The following MFSD2A variants were observed in gnomAD, a reference collection of about 807,000 sequenced individuals.
MFSD2A encodes the protein MFSD2 lysolipid transporter A, lysophospholipid.
Under a neutral mutation model 64.7 loss-of-function variants are expected in MFSD2A, and 27 were observed. That is an observed-to-expected ratio of 0.42 (90% CI 0.31 to 0.58). The LOEUF is 0.58. MFSD2A is among the 20% of genes least tolerant of loss of function. The pLI is 0.18. For synonymous variants in MFSD2A, 258 were observed against 273.4 expected (o/e 0.94, Z 0.55); for missense variants, 474 against 679.5 (o/e 0.70, Z 3.36).
In MFSD2A at chr1:39,966,946, G is replaced by T; in HGVS notation, c.927+14G>T. The T allele has an allele frequency of 4.3e-6, 7 of 1,613,150 alleles. No individual in the cohort carries two copies. Among genetic ancestry groups the T allele is most frequent in the South Asian group, 1.1e-5 (1 of 91,056 alleles). ...TTGGCTTTCATGGTGAGTGGGTTCT[G>T]ACATGCTCAGCCTGAGAAGGAGGTG... On this transcript the variant is annotated intron_variant, in intron 8 of 13. Transcript: ENST00000372811.
chr1:39,962,521 G>A (rs565143314), intron 3 of MFSD2A, among the ~76,000 whole-genome samples: 3 of 152,316 alleles, frequency 2.0e-5, no homozygotes, highest in Admixed American at 6.5e-5. Context: ...AAATGTTTAC[G>A]AGCTTCTTCT....
chr1:39,969,213 G>A (rs1645230558), intron 13 of MFSD2A, among the ~76,000 whole-genome samples: 1 of 152,226 alleles, frequency 6.6e-6, no homozygotes, highest in Non-Finnish European at 1.5e-5. Context: ...AGGACCTCGA[G>A]TGTGGCCTGA....
chr1:39,965,946 C>A lies in MFSD2A; in HGVS notation c.646C>A (p.Leu216Ile). 6.2e-7 allele frequency: 1 copy of A among 1,614,176 alleles called. No individual in the cohort carries two copies. Among genetic ancestry groups the A allele is most frequent in the Non-Finnish European group, 8.5e-7 (1 of 1,180,046 alleles). Residue 216 changes from leucine (L) to isoleucine (I), a missense_variant, in exon 6 of 14, where the codon CTC (leucine) becomes ATC (isoleucine). By Grantham distance (5) the Leu-to-Ile change is conservative. Coordinates refer to ENST00000372811, the MANE Select transcript of MFSD2A (RefSeq NM_032793.5). This position sits in a 1 kb window ranked among gnomAD's most constrained non-coding sequence, Gnocchi z 5.5. The stretch of plus-strand genomic sequence containing the variant: ...AGCAGACACGCCTTGTTTCCAGGAC[C>A]TCAATAGCTCTACAGTAGCTTCACA... ...GQADTPCFQDLNSSTVASQSA... is the reference protein window; with the variant it reads ...GQADTPCFQDINSSTVASQSA...
At position 39,958,835 on chromosome 1, in the gene MFSD2A, A is replaced by T; in HGVS notation, c.353+10A>T. On this transcript the variant is annotated intron_variant, in intron 3 of 13. Transcript: ENST00000372811. This position sits in a 1 kb window ranked among gnomAD's most constrained non-coding sequence, Gnocchi z 4.7. ...GTCGCCTTATGCCCTGGTGAGTAGAATATGCCCCTTCGAGGTGGCACAAGG... is the reference window on the plus strand; with the variant it reads ...GTCGCCTTATGCCCTGGTGAGTAGATTATGCCCCTTCGAGGTGGCACAAGG... 1 of 1,587,014 alleles carries T rather than the reference A, an allele frequency of 6.3e-7. No homozygotes were observed. Among genetic ancestry groups the T allele is most frequent in the Non-Finnish European group, 8.6e-7 (1 of 1,165,872 alleles).
Position 39,967,729 on chromosome 1 carries a change from G to A in MFSD2A, c.1095+18G>A, listed in dbSNP as rs1289998818. On this transcript the variant is annotated intron_variant, in intron 10 of 13. Transcript: ENST00000372811. ...GGATCTCAGTGAGTGGGGTTGAAGA[G>A]CAGAGCCTGGGTTGAGTTGGGATGT... The A allele has an allele frequency of 6.2e-7, 1 of 1,613,566 alleles. No homozygotes were observed. The highest frequency in any genetic ancestry group is 8.5e-7 in the Non-Finnish European group (1 of 1,179,480).
At position 39,965,084 on chromosome 1, in the gene MFSD2A, A is replaced by G; in HGVS notation, c.354-127A>G. Reference sequence around the variant, plus strand: ...GCCCAGGATGGGTGGATTTGGCAGGAGTATGGGGAAGGAAGGAAGAGCTTA... The same window carrying G: ...GCCCAGGATGGGTGGATTTGGCAGGGGTATGGGGAAGGAAGGAAGAGCTTA... On this transcript the variant is annotated intron_variant, in intron 3 of 13. Coordinates refer to ENST00000372811, the MANE Select transcript of MFSD2A (RefSeq NM_032793.5). This position sits in a 1 kb window ranked among gnomAD's most constrained non-coding sequence, Gnocchi z 5.5. The G allele has an allele frequency of 7.6e-7, 1 of 1,319,400 alleles. No individual in the cohort carries two copies. The highest frequency in any genetic ancestry group is 1.0e-6 in the Non-Finnish European group (1 of 965,560). 81.7% of individuals were successfully genotyped at this position (1,319,400 alleles called of 1,614,324 possible). A position where few individuals can be genotyped will look rare whatever the true frequency, so the allele number is the denominator to read the frequency against.
intron 13 of MFSD2A, 58 bp from the exon 14 acceptor site, chr1:39,969,447 G>T: frequency 6.8e-7 from 1 of 1,480,562 alleles, no homozygotes; most frequent in Non-Finnish European, 9.3e-7. Context: ...AGGCAGGTGG[G>T]GCTGAGGAGG....
At chr1:39,967,982 T>A in intron 11 of MFSD2A, 66 bp downstream of exon 11, 1 of 1,005,412 alleles carries the variant, frequency 9.9e-7, no homozygotes, top group Non-Finnish European at 1.5e-6. Context: ...TGAAGCTCCT[T>A]AGGGAGAGTT....
Position 39,957,056 on chromosome 1 carries a change from T to C in MFSD2A, c.94-31T>C, listed in dbSNP as rs1206115748. On this transcript the variant is annotated intron_variant, in intron 1 of 13. Transcript: ENST00000372811. ...CCTTCTTGGATGGAGGCCAGAACCT[T>C]GGGCCTTTCATCTTTTCCTCCTCTT... The C allele has an allele frequency of 4.3e-6, 7 of 1,612,900 alleles. No individual in the cohort carries two copies. The South Asian group carries it at 4.4e-5, about 10-fold the overall frequency.
rs1220077878 is a variant in MFSD2A at position 39,960,289 on chromosome 1, G to T, written c.353+1464G>T. 2.6e-5 allele frequency among the ~76,000 whole-genome samples: 4 copies of T among 152,204 alleles called. No individual in the cohort carries two copies. Among genetic ancestry groups the T allele is most frequent in the Non-Finnish European group, 5.9e-5 (4 of 68,024 alleles). On this transcript the variant is annotated intron_variant, in intron 3 of 13. Coordinates refer to ENST00000372811, the MANE Select transcript of MFSD2A (RefSeq NM_032793.5). This position sits in a 1 kb window ranked among gnomAD's most constrained non-coding sequence, Gnocchi z 4.8. ...TCCAGGCTTAAGTGGGCGCCTTCCT[G>T]CCCCAGGGGCGCCCATACCTGGCCT...
chr1:39,969,531 C>T lies in MFSD2A; in HGVS notation c.1556C>T (p.Ser519Leu), dbSNP rs1645238537. Residue 519 changes from serine to leucine, a missense_variant, in exon 14 of 14, where the codon TCA (serine) becomes TTA (leucine). Physicochemically the swap from Ser to Leu is moderately radical, Grantham distance 145. Transcript: ENST00000372811. The part of the protein sequence containing the change: ...LRDEASSSGC[S>L]ETDSTELASI... ...GACGAGGCCAGCAGCTCTGGCTGCT[C>T]AGAAACAGACTCCACAGAGCTGGCT... 1 of 1,598,154 alleles carries T rather than the reference C, an allele frequency of 6.3e-7. No homozygotes were observed. The highest frequency in any genetic ancestry group is 2.3e-5 in the East Asian group (1 of 43,710).
At chr1:39,966,083 A>G (rs1268235949) in intron 6 of MFSD2A, 69 bp downstream of exon 6, 3 of 1,538,962 alleles carry the variant, frequency 1.9e-6, no homozygotes, top group Non-Finnish European at 8.9e-7. Flanking sequence ...GTCATCCTAA[A>G]GATAGTAACA....
rs944885058 is a variant in MFSD2A at position 39,958,991 on chromosome 1, C to T, written c.353+166C>T. 3.3e-5 allele frequency among the ~76,000 whole-genome samples: 5 copies of T among 152,164 alleles called. No homozygotes were observed. Among genetic ancestry groups the T allele is most frequent in the African/African-American group, 7.2e-5 (3 of 41,436 alleles). ...TCCGAGGCATCAGCTACCCTGAGCACGGGCACTGGCATGCTCAGCCAGTTC... is the reference window on the plus strand; with the variant it reads ...TCCGAGGCATCAGCTACCCTGAGCATGGGCACTGGCATGCTCAGCCAGTTC... On this transcript the variant is annotated intron_variant, in intron 3 of 13. Transcript: ENST00000372811. This position sits in a 1 kb window ranked among gnomAD's most constrained non-coding sequence, Gnocchi z 4.7.
In MFSD2A at chr1:39,968,248, G is replaced by T. The variant is rs922872105; in HGVS notation, c.1209-86G>T. The T allele has an allele frequency of 3.2e-6, 5 of 1,553,410 alleles. No homozygotes were observed. In the African/African-American group the frequency reaches 6.8e-5, roughly 21 times the overall value. Reference sequence around the variant, plus strand: ...CACTGAGCTGTGTACCCATGGTACTGCAAGCTTCCAGAGGGCCACCTCTTC... The same window carrying T: ...CACTGAGCTGTGTACCCATGGTACTTCAAGCTTCCAGAGGGCCACCTCTTC... On this transcript the variant is annotated intron_variant, in intron 11 of 13. Coordinates refer to ENST00000372811, the MANE Select transcript of MFSD2A (RefSeq NM_032793.5). The surrounding 1 kb of genome is among the most constrained non-coding windows in gnomAD (Gnocchi z 4.4).
chr1:39,966,541 T>G (rs1416995742), intron 6 of MFSD2A, 60 bp from the exon 7 acceptor site: 1 of 1,388,084 alleles, frequency 7.2e-7, no homozygotes, highest in Non-Finnish European at 1.0e-6. Flanking sequence ...CTGCTGGAAC[T>G]GGGGTGCTGG....
chr1:39,968,800 C>G lies in MFSD2A; in HGVS notation c.1529+55C>G. 2 of 1,593,688 alleles carry G rather than the reference C, an allele frequency of 1.3e-6. No homozygotes were observed. Among genetic ancestry groups the G allele is most frequent in the Non-Finnish European group, 8.6e-7 (1 of 1,168,886 alleles). ...GAGGGGACGTCACTGTGTCTAAACC[C>G]TCAATTTGTGTCTCCTGTGGCCAAG... On this transcript the variant is annotated intron_variant, in intron 13 of 13. Coordinates refer to ENST00000372811, the MANE Select transcript of MFSD2A (RefSeq NM_032793.5). The surrounding 1 kb of genome is among the most constrained non-coding windows in gnomAD (Gnocchi z 4.4).
At position 39,964,990 on chromosome 1, in the gene MFSD2A, T is replaced by G; in HGVS notation, c.354-221T>G. 1 of 601,568 alleles carries G rather than the reference T, an allele frequency of 1.7e-6. No homozygotes were observed. Among genetic ancestry groups the G allele is most frequent in the Non-Finnish European group, 2.9e-6 (1 of 342,640 alleles). 37.3% of individuals were successfully genotyped at this position (601,568 alleles called of 1,614,324 possible). A position where few individuals can be genotyped will look rare whatever the true frequency, so the allele number is the denominator to read the frequency against. Reference sequence around the variant, plus strand: ...AGGCTCTGACCTCACACTCCATGCCTAGGATTTCAGTCTGGGGTCCCAGTT... The same window carrying G: ...AGGCTCTGACCTCACACTCCATGCCGAGGATTTCAGTCTGGGGTCCCAGTT... On this transcript the variant is annotated intron_variant, in intron 3 of 13. Coordinates refer to ENST00000372811, the MANE Select transcript of MFSD2A (RefSeq NM_032793.5). The surrounding 1 kb of genome is among the most constrained non-coding windows in gnomAD (Gnocchi z 4.1).
intron 3 of MFSD2A, among the ~76,000 whole-genome samples, chr1:39,962,044 T>C (rs78571657): frequency 0.023 from 3,518 of 152,322 alleles, 139 homozygotes; most frequent in African/African-American, 0.08. Context: ...TCCCAAACAC[T>C]GTTTGACATT....
At chr1:39,959,516 G>A (rs1187573842) in intron 3 of MFSD2A, among the ~76,000 whole-genome samples, 1 of 152,096 alleles carries the variant, frequency 6.6e-6, no homozygotes, top group South Asian at 2.1e-4. Flanking sequence ...GCCTCCCAAA[G>A]TGTTAGGATT....
Sources: allele counts gnomAD v4.1 joint callset (sites outside exome capture counted in the v4.1 genomes callset), GRCh38; gene constraint gnomAD v4.1.1; non-coding constraint Gnocchi (gnomAD v3.1); transcripts MANE v1.5; gene names NCBI Gene and HGNC (gene_info 2026-07-23, HGNC 2026-07-21).